Variants in CLDN18 observed in about 807,000 individuals in gnomAD.
The protein encoded by CLDN18 is claudin-18.
In CLDN18, 20 loss-of-function variants were observed where a neutral mutation model predicts 25.0. That is an observed-to-expected ratio of 0.80 (90% confidence interval 0.56 to 1.16). CLDN18 has a LOEUF of 1.16. Among genes scored for constraint, CLDN18 ranks in the 50% most tolerant of loss-of-function variants. The probability of loss-of-function intolerance (pLI) is 0.00; values close to 1 mark genes in which losing one functional copy is unlikely to be tolerated. For missense variants in CLDN18, 297 were observed against 345.4 expected (o/e 0.86, Z 1.11); for synonymous variants, 125 against 135.6 (o/e 0.92, Z 0.54).
intron 1 of CLDN18, among the ~76,000 whole-genome samples, chr3:138,022,631 T>C (rs182820246): frequency 6.6e-6 from 1 of 152,362 alleles, no homozygotes; most frequent in East Asian, 1.9e-4. Flanking sequence ...AATTGGTGTC[T>C]AGCACATAAG....
chr3:138,031,203 G>C lies in CLDN18; in HGVS notation c.*62G>C. The C allele has an allele frequency of 7.1e-7, 1 of 1,398,772 alleles. No individual in the cohort carries two copies. The highest frequency in any genetic ancestry group is 9.7e-7 in the Non-Finnish European group (1 of 1,033,262). 86.6% of individuals were successfully genotyped at this position (1,398,772 alleles called of 1,614,324 possible). Reference sequence around the variant, plus strand: ...CCGGAGAGCTCACCCAAAAAACAAGGAGATCCCATCTAGATTTCTTCTTGC... The same window carrying C: ...CCGGAGAGCTCACCCAAAAAACAAGCAGATCCCATCTAGATTTCTTCTTGC... On this transcript the variant is annotated 3_prime_UTR_variant, in exon 5 of 5. Transcript: ENST00000183605.
At chr3:138,006,697 C>T (rs573203387), upstream of CLDN18, among the ~76,000 whole-genome samples, 1 of 152,160 alleles carries the variant, frequency 6.6e-6, no homozygotes, top group East Asian at 1.9e-4. Flanking sequence ...GCCCAGAAAA[C>T]TTACCAGGAA....
intron 1 of CLDN18, among the ~76,000 whole-genome samples, chr3:138,019,733 G>T (rs1448523945): frequency 6.6e-6 from 1 of 152,084 alleles, no homozygotes; most frequent in East Asian, 1.9e-4. Context: ...AGATGCTCAG[G>T]TGCAGCCTGT....
At chr3:138,015,983 C>A (rs1373683460) in intron 1 of CLDN18, among the ~76,000 whole-genome samples, 1 of 152,144 alleles carries the variant, frequency 6.6e-6, no homozygotes, top group African/African-American at 2.4e-5. Flanking sequence ...ATTACCAGCT[C>A]TGTATAACTG....
At position 138,010,173 on chromosome 3, in the gene CLDN18, G is replaced by C. The variant is rs1420254421; in HGVS notation, c.-53G>C. On this transcript the variant is annotated 5_prime_UTR_variant, in exon 1 of 5. Coordinates refer to ENST00000183605, the MANE Select transcript of CLDN18 (RefSeq NM_016369.4). ...AGGAGCGCGTTAGCTTCACACCTTC[G>C]GCAGCAGGAGGGCGGCAGCTTCTCG... 6 of 1,587,964 alleles carry C rather than the reference G, an allele frequency of 3.8e-6. No homozygotes were observed. The highest frequency in any genetic ancestry group is 3.5e-5 in the Admixed American group (2 of 57,384).
rs777755431 is a variant in CLDN18 at position 138,023,650 on chromosome 3, T to G, written c.221-8T>G. 5 of 1,613,028 alleles carry G rather than the reference T, an allele frequency of 3.1e-6. No homozygotes were observed. The highest frequency in any genetic ancestry group is 4.2e-6 in the Non-Finnish European group (5 of 1,179,340). ...TTGTCTGCTTGTGTCTTGCCCCTTG[T>G]CCCACAGCCATGCTGCAGGCAGTGC... On this transcript the variant is annotated splice_polypyrimidine_tract_variant and splice_region_variant and intron_variant, in intron 1 of 4. Coordinates refer to ENST00000183605, the MANE Select transcript of CLDN18 (RefSeq NM_016369.4).
chr3:138,012,143 T>C (rs1559804710), intron 1 of CLDN18, among the ~76,000 whole-genome samples: 1 of 152,214 alleles, frequency 6.6e-6, no homozygotes, highest in South Asian at 2.1e-4. Context: ...CTGTTGATCC[T>C]GATCATTGTC....
chr3:138,007,310 A>T (rs1484967442), upstream of CLDN18, among the ~76,000 whole-genome samples: 11 of 152,254 alleles, frequency 7.2e-5, no homozygotes, highest in Admixed American at 7.2e-4. Flanking sequence ...ATGCCCATCA[A>T]TGATAGACTG....
In CLDN18 at chr3:138,010,516, C is replaced by T. The variant is rs1333019403; in HGVS notation, c.220+71C>T. On this transcript the variant is annotated intron_variant, in intron 1 of 4. Transcript: ENST00000183605. Reference sequence around the variant, plus strand: ...CAGGGAAGGGGGCGTTTGCGTTAAGCCCCACTCCCACCTCTGGGTGAGGAC... The same window carrying T: ...CAGGGAAGGGGGCGTTTGCGTTAAGTCCCACTCCCACCTCTGGGTGAGGAC... 3.2e-6 allele frequency: 5 copies of T among 1,574,258 alleles called. No individual in the cohort carries two copies. The Admixed American group carries it at 5.2e-5, about 16-fold the overall frequency.
rs931601165 is a variant in CLDN18, at chr3:138,030,834, C to G, written c.615-136C>G. ...CCAAAAACTAAGGTTACTAACTATCCTGGTTTGCCCCGGACTGATGGGTTT... is the reference window on the plus strand; with the variant it reads ...CCAAAAACTAAGGTTACTAACTATCGTGGTTTGCCCCGGACTGATGGGTTT... On this transcript the variant is annotated intron_variant, in intron 4 of 4. Transcript: ENST00000183605. The G allele has an allele frequency of 8.1e-6, 6 of 738,710 alleles. No homozygotes were observed. In the African/African-American group the frequency reaches 8.8e-5, roughly 11 times the overall value. The allele number at this position is 738,710 out of a possible 1,614,324, so 45.8% of individuals were successfully genotyped here.
upstream of CLDN18, among the ~76,000 whole-genome samples, chr3:138,006,968 A>C (rs577700716): frequency 6.6e-6 from 1 of 152,190 alleles, no homozygotes; most frequent in Non-Finnish European, 1.5e-5. Flanking sequence ...AAACATTTGC[A>C]TAGGGAAACT....
At chr3:137,999,202 G>C (rs1471263224) in intron 1 of CLDN18, 1 of 921,754 alleles carries the variant, frequency 1.1e-6, no homozygotes, top group Admixed American at 2.0e-5. Flanking sequence ...ACTGCGATTC[G>C]TGTTTGACAG....
chr3:138,032,715 A>G lies in CLDN18; in HGVS notation c.*1574A>G, dbSNP rs577086571. The G allele has an allele frequency of 2.6e-5, 4 of 152,330 alleles. No individual in the cohort carries two copies. In the South Asian group the frequency reaches 6.2e-4, roughly 24 times the overall value. 9.4% of individuals were successfully genotyped at this position (152,330 alleles called of 1,614,324 possible). A position where few individuals can be genotyped will look rare whatever the true frequency, so the allele number is the denominator to read the frequency against. ...TACCCTGGCCTCCCAAGTAGCTGGA[A>G]TTACAGGTGTGCGCCATCACAACTA... On this transcript the variant is annotated 3_prime_UTR_variant, in exon 5 of 5. Coordinates refer to ENST00000183605, the MANE Select transcript of CLDN18 (RefSeq NM_016369.4).
intron 1 of CLDN18, among the ~76,000 whole-genome samples, chr3:138,014,013 T>G (rs891433148): frequency 6.6e-6 from 1 of 151,498 alleles, no homozygotes; most frequent in Non-Finnish European, 1.5e-5. Context: ...GAAAGCACAT[T>G]TTTTTCAAAA....
intron 1 of CLDN18, among the ~76,000 whole-genome samples, chr3:138,012,072 C>T (rs1942142196): frequency 6.6e-6 from 1 of 152,162 alleles, no homozygotes; most frequent in Non-Finnish European, 1.5e-5. Context: ...CAGCCCCTCT[C>T]CTCCTTGCCT....
chr3:138,005,638 A>G (rs1483892332), upstream of CLDN18, among the ~76,000 whole-genome samples: 2 of 152,238 alleles, frequency 1.3e-5, no homozygotes, highest in South Asian at 2.1e-4. Flanking sequence ...AAGTAATCAT[A>G]TACATATATA....
At chr3:138,016,047 ACT>A (rs1942199507) in intron 1 of CLDN18, among the ~76,000 whole-genome samples, 1 of 152,212 alleles carries the variant, frequency 6.6e-6, no homozygotes, top group African/African-American at 2.4e-5. Context: ...AGCATGCAGT[ACT>A]CTGAGGACAG....
intron 1 of CLDN18, among the ~76,000 whole-genome samples, chr3:138,014,152 G>A (rs1942174093): frequency 6.6e-6 from 1 of 152,088 alleles, no homozygotes; most frequent in Non-Finnish European, 1.5e-5. Flanking sequence ...TTTATTCCGT[G>A]TCAGGCCAGA....
chr3:138,014,030 G>A (rs1396903636), intron 1 of CLDN18, among the ~76,000 whole-genome samples: 1 of 152,018 alleles, frequency 6.6e-6, no homozygotes, highest in Non-Finnish European at 1.5e-5. Flanking sequence ...AAAAAGTAAG[G>A]AGGAAGAAAG....
Sources: gnomAD v4.1 joint callset for allele counts (sites outside exome capture counted in the v4.1 genomes callset) on GRCh38, gnomAD v4.1.1 for gene constraint, MANE v1.5 for transcripts, NCBI Gene and HGNC (gene_info 2026-07-23, HGNC 2026-07-21) for gene names.